Variants in CHMP4B observed in about 807,000 individuals in gnomAD.
CHMP4B encodes the protein charged multivesicular body protein 4B.
In CHMP4B, 1 loss-of-function variant was observed where a neutral mutation model predicts 25.1. That is an observed-to-expected ratio of 0.04 (90% CI 0.01 to 0.19). The LOEUF (loss-of-function observed/expected upper bound fraction) is 0.19. Among genes scored for constraint, CHMP4B ranks in the 10% least tolerant of loss-of-function variants. The pLI, the probability that CHMP4B is intolerant of heterozygous loss-of-function variation, is 1.00. For synonymous variants in CHMP4B, 101 were observed against 115.6 expected (o/e 0.87, Z 0.81); for missense variants, 151 against 289.7 (o/e 0.52, Z 3.48).
At chr20:33,819,357 C>T (rs779636815) in intron 1 of CHMP4B, among the ~76,000 whole-genome samples, 3 of 152,316 alleles carry the variant, frequency 2.0e-5, no homozygotes, top group South Asian at 4.1e-4. Context: ...AGCCCTGATA[C>T]TTCCGGTATC....
At chr20:33,826,636 C>A (rs1979102376) in intron 1 of CHMP4B, among the ~76,000 whole-genome samples, 1 of 152,118 alleles carries the variant, frequency 6.6e-6, no homozygotes, top group South Asian at 2.1e-4. Flanking sequence ...GGGACTGTTC[C>A]CTTATAAGGA....
At chr20:33,831,084 A>G (rs1416860495) in intron 1 of CHMP4B, among the ~76,000 whole-genome samples, 5 of 147,992 alleles carry the variant, frequency 3.4e-5, no homozygotes, top group Admixed American at 3.4e-4. Flanking sequence ...GAGACTGCCT[A>G]TGCTCAGCTA....
intron 1 of CHMP4B, among the ~76,000 whole-genome samples, chr20:33,813,159 A>C (rs759248555): frequency 6.7e-6 from 1 of 148,910 alleles, no homozygotes; most frequent in Non-Finnish European, 1.5e-5. Context: ...AAAAAAAAAA[A>C]GGGGGAGGAG....
chr20:33,830,933 G>GTGTTTTTTTTTTTTTTT (rs1979222694), intron 1 of CHMP4B, among the ~76,000 whole-genome samples: 1 of 102,522 alleles, frequency 9.8e-6, no homozygotes, highest in Non-Finnish European at 1.9e-5. Context: ...AAGGAACAGA[G>GTGTTTTTTTTTTTTTTT]TTTTTTTTTT....
chr20:33,834,801 ATTTTT>A (rs1186510218), intron 1 of CHMP4B, among the ~76,000 whole-genome samples: 1 of 151,904 alleles, frequency 6.6e-6, no homozygotes, highest in East Asian at 1.9e-4. Context: ...TATTTATTTT[ATTTTT>A]ATTTTTGTTT....
At chr20:33,847,263 T>C (rs1321333794) in intron 1 of CHMP4B, among the ~76,000 whole-genome samples, 1 of 151,714 alleles carries the variant, frequency 6.6e-6, no homozygotes, top group Non-Finnish European at 1.5e-5. Context: ...TTTAGTAATG[T>C]AGATTTTCTT....
intron 1 of CHMP4B, among the ~76,000 whole-genome samples, chr20:33,817,396 T>A (rs933495054): frequency 6.6e-6 from 1 of 152,150 alleles, no homozygotes; most frequent in Non-Finnish European, 1.5e-5. Flanking sequence ...CCTGCCAGAG[T>A]AGGTTTATAA....
chr20:33,833,582 A>G (rs369878474), intron 1 of CHMP4B, among the ~76,000 whole-genome samples: 1 of 152,282 alleles, frequency 6.6e-6, no homozygotes, highest in East Asian at 1.9e-4. Context: ...TGAATCTTTC[A>G]ATGGCTTCCT....
chr20:33,818,658 G>A (rs1339189591), intron 1 of CHMP4B, among the ~76,000 whole-genome samples: 1 of 152,166 alleles, frequency 6.6e-6, no homozygotes, highest in Non-Finnish European at 1.5e-5. Flanking sequence ...GAAGGGTTGG[G>A]GCAAATCCCA....
intron 1 of CHMP4B, among the ~76,000 whole-genome samples, chr20:33,838,800 T>C (rs745605655): frequency 1.3e-5 from 2 of 152,140 alleles, no homozygotes; most frequent in Non-Finnish European, 2.9e-5. Context: ...CACCAAGAGC[T>C]ACTCCAGGGC....
intron 1 of CHMP4B, among the ~76,000 whole-genome samples, chr20:33,837,624 G>A (rs1409802599): frequency 6.6e-6 from 1 of 152,200 alleles, no homozygotes; most frequent in Non-Finnish European, 1.5e-5. Context: ...TGCTTCCTGA[G>A]TGACATTTGT....
chr20:33,834,830 C>T (rs1979347280), intron 1 of CHMP4B, among the ~76,000 whole-genome samples: 1 of 152,130 alleles, frequency 6.6e-6, no homozygotes, highest in South Asian at 2.1e-4. Flanking sequence ...GATGGAGTCT[C>T]ACTCTGTCGC....
chr20:33,852,022 C>A, intron 3 of CHMP4B, 55 bp from the exon 4 acceptor site: 2 of 1,611,772 alleles, frequency 1.2e-6, no homozygotes, highest in East Asian at 4.5e-5. Context: ...GGAGGCATGA[C>A]CGCGGGGGCT....
intron 1 of CHMP4B, among the ~76,000 whole-genome samples, chr20:33,823,289 C>T (rs1052472916): frequency 8.6e-5 from 13 of 152,030 alleles, no homozygotes; most frequent in African/African-American, 2.4e-4. Context: ...ATGAGAAAGT[C>T]GAGGTTCAGA....
At chr20:33,836,807 A>G (rs1383016824) in intron 1 of CHMP4B, among the ~76,000 whole-genome samples, 1 of 152,160 alleles carries the variant, frequency 6.6e-6, no homozygotes, top group East Asian at 1.9e-4. Flanking sequence ...TCAGCAATCA[A>G]CTGGGTGTGA....
At chr20:33,844,775 T>C (rs79644776) in intron 1 of CHMP4B, among the ~76,000 whole-genome samples, 72 of 152,072 alleles carry the variant, frequency 4.7e-4, no homozygotes, top group African/African-American at 1.7e-3. Flanking sequence ...TTTTTTTTTT[T>C]TGAGATGGAG....
intron 1 of CHMP4B, among the ~76,000 whole-genome samples, chr20:33,820,295 A>G (rs553076022): frequency 5.9e-5 from 9 of 152,302 alleles, no homozygotes; most frequent in Admixed American, 5.2e-4. Flanking sequence ...TCAAAGTTTG[A>G]GAGATTTTAA....
rs1978605772 is a variant in CHMP4B at position 33,811,456 on chromosome 20, G to A, written c.-13G>A. 1 of 1,510,028 alleles carries A rather than the reference G, an allele frequency of 6.6e-7. No individual in the cohort carries two copies. The highest frequency in any genetic ancestry group is 8.9e-7 in the Non-Finnish European group (1 of 1,127,450). The allele number at this position is 1,510,028 out of a possible 1,614,324, so 93.5% of individuals were successfully genotyped here. On this transcript the variant is annotated 5_prime_UTR_variant, in exon 1 of 5. Transcript: ENST00000217402. ...GGAGCGGGCGGCGAAGGCCGGCGCGGCGAGCAGCAACCATGTCGGTGTTCG... is the reference window on the plus strand; with the variant it reads ...GGAGCGGGCGGCGAAGGCCGGCGCGACGAGCAGCAACCATGTCGGTGTTCG...
intron 1 of CHMP4B, among the ~76,000 whole-genome samples, chr20:33,829,673 A>G (rs763549280): frequency 6.6e-6 from 1 of 152,214 alleles, no homozygotes; most frequent in Non-Finnish European, 1.5e-5. Flanking sequence ...TAATTGGCTA[A>G]TATATGCACG....
Sources: allele counts gnomAD v4.1 joint callset (sites outside exome capture counted in the v4.1 genomes callset), GRCh38; gene constraint gnomAD v4.1.1; transcripts MANE v1.5; gene names NCBI Gene and HGNC (gene_info 2026-07-23, HGNC 2026-07-21).